The following IL17RA variants were observed in gnomAD, a reference collection of about 807,000 sequenced individuals.
The protein encoded by IL17RA is interleukin 17 receptor A.
In IL17RA, 34 loss-of-function variants were observed where a neutral mutation model predicts 50.4. The ratio of observed to expected loss-of-function variants is 0.67; its 90% confidence interval spans 0.51 to 0.90. The LOEUF (loss-of-function observed/expected upper bound fraction) is 0.90. Ranked by LOEUF, IL17RA falls within the 40% of genes least tolerant of loss-of-function variation. The probability of loss-of-function intolerance (pLI) is 0.00; values close to 1 mark genes in which losing one functional copy is unlikely to be tolerated. For missense variants in IL17RA, 1,276 were observed against 1,169.8 expected, an observed-to-expected ratio of 1.09 and a Z score of -1.32; for synonymous variants, 585 against 510.4, an observed-to-expected ratio of 1.15 and a Z score of -1.97.
At position 17,110,182 on chromosome 22, in the gene IL17RA, G is replaced by A. The variant is rs1048919083; in HGVS notation, c.*362G>A. ...GCCCCAGCCATGAAGGAACTTAACC[G>A]CTAGTGCCGAGGACACGTTAAACGA... On this transcript the variant is annotated 3_prime_UTR_variant, in exon 13 of 13. Coordinates refer to ENST00000319363, the MANE Select transcript of IL17RA (RefSeq NM_014339.7). The A allele has an allele frequency of 1.7e-4, 60 of 348,604 alleles. No individual in the cohort carries two copies. Among genetic ancestry groups the A allele is most frequent in the African/African-American group, 1.3e-3 (60 of 46,894 alleles). 21.6% of individuals were successfully genotyped at this position (348,604 alleles called of 1,614,324 possible).
At chr22:17,094,669 C>CTATATATATATATATATATGTGTA (rs2061360235) in intron 1 of IL17RA, among the ~76,000 whole-genome samples, 2 of 24,234 alleles carry the variant, frequency 8.3e-5, no homozygotes, top group Admixed American at 2.6e-4. Flanking sequence ...CTCTCTCTCT[C>CTATATATATATATATATATGTGTA]TCTCTCTCTC....
Position 17,109,980 on chromosome 22 carries a change from A to C in IL17RA, c.*160A>C. 1.3e-6 allele frequency: 1 copy of C among 761,888 alleles called. No homozygotes were observed. The allele number at this position is 761,888 out of a possible 1,614,324, so 47.2% of individuals were successfully genotyped here. A position where few individuals can be genotyped will look rare whatever the true frequency, so the allele number is the denominator to read the frequency against. On this transcript the variant is annotated 3_prime_UTR_variant, in exon 13 of 13. Coordinates refer to ENST00000319363, the MANE Select transcript of IL17RA (RefSeq NM_014339.7). ...ATTTTAATCCCAGGCATCCCTCCTA[A>C]CTTTTCTTTGTGCAGCGGTCTGGTT... is the stretch of plus-strand genomic sequence containing the variant.
At chr22:17,100,760 A>G (rs1026395363) in intron 5 of IL17RA, among the ~76,000 whole-genome samples, 16 of 152,304 alleles carry the variant, frequency 1.1e-4, no homozygotes, top group African/African-American at 3.4e-4. Flanking sequence ...CTCTATCTAG[A>G]GAAGCACCCA....
chr22:17,104,791 A>G lies in IL17RA; in HGVS notation c.912A>G (p.Pro304=). ...GACACTCCGCGACTGTTTCCTGCCCAGAAATGCCAGACACTCCAGGTAGGG... is the reference window on the plus strand; with the variant it reads ...GACACTCCGCGACTGTTTCCTGCCCGGAAATGCCAGACACTCCAGGTAGGG... The part of the protein sequence containing the change: ...CLRHSATVSC[P]EMPDTPEPIP... Residue 304 remains proline (P), a synonymous_variant, in exon 9 of 13, where the codon CCA becomes CCG. Coordinates refer to ENST00000319363, the MANE Select transcript of IL17RA (RefSeq NM_014339.7). 1 of 1,614,100 alleles carries G rather than the reference A, an allele frequency of 6.2e-7. No individual in the cohort carries two copies. The highest frequency in any genetic ancestry group is 8.5e-7 in the Non-Finnish European group (1 of 1,179,968).
intron 1 of IL17RA, among the ~76,000 whole-genome samples, chr22:17,092,926 T>G (rs1334925833): frequency 6.6e-6 from 1 of 152,196 alleles, no homozygotes; most frequent in Non-Finnish European, 1.5e-5. Context: ...TTAGTAGAAC[T>G]TCTATTGAGT....
chr22:17,102,193 G>A lies in IL17RA; in HGVS notation c.653G>A (p.Arg218His), dbSNP rs140367455. ...GAGACCCTGGAGGCCCACCAGCTGC[G>A]TGTGAGCTTCACCCTGTGGAACGAA... ...TVETLEAHQL[R>H]VSFTLWNEST... The change falls in exon 7 of 13, where the codon CGT becomes CAT. Residue 218 changes from arginine to histidine, a missense_variant. Coordinates refer to ENST00000319363, the MANE Select transcript of IL17RA (RefSeq NM_014339.7). 9.1e-5 allele frequency: 147 copies of A among 1,614,188 alleles called. No homozygotes were observed. Among genetic ancestry groups the A allele is most frequent in the Non-Finnish European group, 1.1e-4 (131 of 1,180,042 alleles).
At chr22:17,092,458 G>A (rs970883420) in intron 1 of IL17RA, among the ~76,000 whole-genome samples, 1 of 152,098 alleles carries the variant, frequency 6.6e-6, no homozygotes, top group Admixed American at 6.6e-5. Flanking sequence ...GGGGGTGGGC[G>A]GTCTTGGGGA....
At chr22:17,086,591 A>G (rs1055080260) in intron 1 of IL17RA, among the ~76,000 whole-genome samples, 4 of 152,052 alleles carry the variant, frequency 2.6e-5, no homozygotes, top group Non-Finnish European at 5.9e-5. Context: ...ATAAATAAAT[A>G]CTCTGGGGAC....
chr22:17,100,335 C>T lies in IL17RA; in HGVS notation c.424-20C>T, dbSNP rs2061386232. Reference sequence around the variant, plus strand: ...AGGTGTGTGTAATCCATCCACCTTCCCTTCCTCCCTTCTCTTCAGTGGCGT... The same window carrying T: ...AGGTGTGTGTAATCCATCCACCTTCTCTTCCTCCCTTCTCTTCAGTGGCGT... On this transcript the variant is annotated intron_variant, in intron 4 of 12. Coordinates refer to ENST00000319363, the MANE Select transcript of IL17RA (RefSeq NM_014339.7). 1.2e-6 allele frequency: 2 copies of T among 1,613,890 alleles called. No homozygotes were observed. The highest frequency in any genetic ancestry group is 1.7e-5 in the Admixed American group (1 of 59,978).
In IL17RA at chr22:17,112,052, C is replaced by G. The variant is rs1418984183; in HGVS notation, c.*2232C>G. 2.6e-5 allele frequency: 4 copies of G among 152,162 alleles called. No homozygotes were observed. The highest frequency in any genetic ancestry group is 5.9e-5 in the Non-Finnish European group (4 of 68,038). 9.4% of individuals were successfully genotyped at this position (152,162 alleles called of 1,614,324 possible). On this transcript the variant is annotated 3_prime_UTR_variant, in exon 13 of 13. Transcript: ENST00000319363. Reference sequence around the variant, plus strand: ...ATCCTGGAGAGGGGCTTCGTTGGGTCTGGACACCTACCATGCATTCTGTGA... The same window carrying G: ...ATCCTGGAGAGGGGCTTCGTTGGGTGTGGACACCTACCATGCATTCTGTGA...
intron 7 of IL17RA, among the ~76,000 whole-genome samples, chr22:17,103,006 C>T (rs775966109): frequency 1.4e-4 from 21 of 151,972 alleles, no homozygotes; most frequent in Non-Finnish European, 1.0e-4. Context: ...GCCAGGTGTG[C>T]TGGCACACGC....
intron 1 of IL17RA, among the ~76,000 whole-genome samples, chr22:17,088,111 G>T (rs2061334641): frequency 6.6e-6 from 1 of 152,130 alleles, no homozygotes; most frequent in Non-Finnish European, 1.5e-5. Context: ...TGAGAGGCTG[G>T]GTTATTGGCC....
rs183135641 is a variant in IL17RA, at chr22:17,111,855, G to A, written c.*2035G>A. On this transcript the variant is annotated 3_prime_UTR_variant, in exon 13 of 13. Transcript: ENST00000319363. ...TGTAGGTCAAGAAGTTGCTAGTTGC[G>A]GAGTTTTTTCTTGCAGTTAGACTTT... is the stretch of plus-strand genomic sequence containing the variant. 12 of 152,278 alleles carry A rather than the reference G, an allele frequency of 7.9e-5. No individual in the cohort carries two copies. The highest frequency in any genetic ancestry group is 3.9e-4 in the East Asian group (2 of 5,184). The allele number at this position is 152,278 out of a possible 1,614,324, so 9.4% of individuals were successfully genotyped here. A position where few individuals can be genotyped will look rare whatever the true frequency, so the allele number is the denominator to read the frequency against.
chr22:17,085,039 T>C lies in IL17RA; in HGVS notation c.-53T>C, dbSNP rs2061320411. ...CGCGGAAAAGAAAGCCTCAGAACGT[T>C]CGTTCGCTGCGTCCCCAGCCGGGGC... is the stretch of plus-strand genomic sequence containing the variant. On this transcript the variant is annotated 5_prime_UTR_variant, in exon 1 of 13. Transcript: ENST00000319363. The C allele has an allele frequency of 1.1e-5, 14 of 1,297,834 alleles. No individual in the cohort carries two copies. The highest frequency in any genetic ancestry group is 1.6e-5 in the African/African-American group (1 of 64,514). The allele number at this position is 1,297,834 out of a possible 1,614,324, so 80.4% of individuals were successfully genotyped here.
At chr22:17,094,963 C>T (rs1240963233) in intron 1 of IL17RA, among the ~76,000 whole-genome samples, 2 of 151,536 alleles carry the variant, frequency 1.3e-5, no homozygotes, top group Non-Finnish European at 2.9e-5. Context: ...TTAATTCAGC[C>T]ATTCTCTATT....
intron 1 of IL17RA, among the ~76,000 whole-genome samples, chr22:17,089,612 C>T (rs2061340691): frequency 6.6e-6 from 1 of 152,194 alleles, no homozygotes; most frequent in South Asian, 2.1e-4. Flanking sequence ...TGGCCCCACG[C>T]CTGTAATCCT....
intron 1 of IL17RA, among the ~76,000 whole-genome samples, chr22:17,088,066 G>A (rs1265066252): frequency 3.3e-5 from 5 of 152,116 alleles, no homozygotes; most frequent in East Asian, 3.9e-4. Context: ...CATACTCAAC[G>A]ACAGCTTACA....
chr22:17,086,271 A>T (rs1483970675), intron 1 of IL17RA, among the ~76,000 whole-genome samples: 1 of 152,120 alleles, frequency 6.6e-6, no homozygotes, highest in Non-Finnish European at 1.5e-5. Context: ...AATAATGCTC[A>T]GTATCTGAGT....
rs138105435 is a variant in IL17RA, at chr22:17,102,406, G to A, written c.762+104G>A. 898 of 1,228,598 alleles carry A rather than the reference G, an allele frequency of 7.3e-4. 3 individuals are homozygous for A. In the East Asian group the frequency reaches 9.9e-3, roughly 14 times the overall value. 76.1% of individuals were successfully genotyped at this position (1,228,598 alleles called of 1,614,324 possible). ...GACAGAACCGCGTTGCTAGAAGCTC[G>A]CGACTCAGGGCTGTGCTTAGTCCAT... On this transcript the variant is annotated intron_variant, in intron 7 of 12. Coordinates refer to ENST00000319363, the MANE Select transcript of IL17RA (RefSeq NM_014339.7).
Sources: gnomAD v4.1 joint callset for allele counts (sites outside exome capture counted in the v4.1 genomes callset) on GRCh38, gnomAD v4.1.1 for gene constraint, MANE v1.5 for transcripts, NCBI Gene and HGNC (gene_info 2026-07-23, HGNC 2026-07-21) for gene names.